Variants in ATP8B4 observed in about 807,000 individuals in gnomAD.
ATP8B4 encodes the protein probable phospholipid-transporting ATPase IM.
Under a neutral mutation model 145.6 loss-of-function variants are expected in ATP8B4, and 133 were observed. The ratio of observed to expected loss-of-function variants is 0.91; its 90% CI spans 0.79 to 1.05. The LOEUF is 1.05. Ranked by LOEUF, ATP8B4 falls within the 50% of genes least tolerant of loss-of-function variation. ATP8B4 has a pLI of 0.00. For missense variants in ATP8B4, 1,458 were observed against 1,425.2 expected (o/e 1.02, Z -0.37); for synonymous variants, 507 against 492.9 (o/e 1.03, Z -0.38).
intron 10 of ATP8B4, chr15:49,982,490 G>T (rs1234165417): frequency 6.6e-6 from 1 of 152,118 alleles, no homozygotes; most frequent in Non-Finnish European, 1.5e-5. Flanking sequence ...TCTGATCTCA[G>T]AAGCTAAGCT....
intron 7 of ATP8B4, among the ~76,000 whole-genome samples, chr15:50,005,004 G>A (rs1453511970): frequency 6.6e-6 from 1 of 152,184 alleles, no homozygotes; most frequent in African/African-American, 2.4e-5. Context: ...AAGGCAGAAT[G>A]ACTAGCAGGA....
chr15:50,084,970 G>A (rs531793514), intron 2 of ATP8B4, among the ~76,000 whole-genome samples: 2 of 152,290 alleles, frequency 1.3e-5, no homozygotes, highest in African/African-American at 4.8e-5. Context: ...GTAAGGTAAT[G>A]TATTCACAGG....
chr15:50,078,709 A>G (rs2054348045), intron 2 of ATP8B4, among the ~76,000 whole-genome samples: 1 of 152,134 alleles, frequency 6.6e-6, no homozygotes. Flanking sequence ...ACAAACCTTC[A>G]TAAAATTTTG....
At chr15:50,108,632 A>G (rs1424639598) in intron 1 of ATP8B4, among the ~76,000 whole-genome samples, 1 of 151,940 alleles carries the variant, frequency 6.6e-6, no homozygotes, top group Non-Finnish European at 1.5e-5. Context: ...CACCCCCTTT[A>G]TCCGACTAGC....
At chr15:49,862,519 C>T (rs549370554) in intron 26 of ATP8B4, 144 bp from the exon 27 acceptor site, 290 of 937,788 alleles carry the variant, frequency 3.1e-4, no homozygotes, top group African/African-American at 2.9e-3. Context: ...TGCAGTGGTG[C>T]GATCTCAGCT....
intron 1 of ATP8B4, among the ~76,000 whole-genome samples, chr15:50,157,068 G>A (rs1362780551): frequency 2.6e-5 from 4 of 152,058 alleles, no homozygotes; most frequent in Admixed American, 6.6e-5. Context: ...CAGATCAAAC[G>A]AAATATTAAA....
intron 1 of ATP8B4, among the ~76,000 whole-genome samples, chr15:50,153,113 G>C (rs933050328): frequency 1.3e-5 from 2 of 152,168 alleles, no homozygotes; most frequent in Admixed American, 6.5e-5. Context: ...GAAAAAGTAA[G>C]AGCATGTGAA....
chr15:50,159,897 T>A (rs770765574), intron 1 of ATP8B4, among the ~76,000 whole-genome samples: 2 of 152,116 alleles, frequency 1.3e-5, no homozygotes, highest in African/African-American at 4.8e-5. Context: ...TGATGATTAC[T>A]GGCCTCCTAG....
At chr15:49,987,641 T>G in intron 9 of ATP8B4, 92 bp from the exon 10 acceptor site, 6 of 1,304,950 alleles carry the variant, frequency 4.6e-6, no homozygotes, top group Non-Finnish European at 5.2e-6. Context: ...TGTTTCCCTC[T>G]CCTTTAGACA....
intron 23 of ATP8B4, among the ~76,000 whole-genome samples, chr15:49,882,939 T>A (rs1397361899): frequency 6.6e-6 from 1 of 152,210 alleles, no homozygotes; most frequent in Non-Finnish European, 1.5e-5. Context: ...ATAAAAAATT[T>A]AAAAATTAAA....
chr15:50,021,198 G>A (rs897874633), intron 6 of ATP8B4, among the ~76,000 whole-genome samples: 2 of 152,234 alleles, frequency 1.3e-5, no homozygotes, highest in Middle Eastern at 3.4e-3. Flanking sequence ...GTCCTTCACT[G>A]CTAACACTCA....
chr15:50,115,827 C>G (rs11853146), intron 1 of ATP8B4, among the ~76,000 whole-genome samples: 115 of 152,258 alleles, frequency 7.6e-4, no homozygotes, highest in South Asian at 3.1e-3. Context: ...ACCGTTATCC[C>G]CATTTTATAG....
At chr15:50,159,396 C>T (rs760231460) in intron 1 of ATP8B4, among the ~76,000 whole-genome samples, 1 of 152,032 alleles carries the variant, frequency 6.6e-6, no homozygotes, top group Non-Finnish European at 1.5e-5. Context: ...GTTTTTTAGC[C>T]GAGTCTTTAG....
chr15:50,085,675 T>C lies in ATP8B4; in HGVS notation c.29-11490A>G, dbSNP rs765602540. Reference sequence around the variant, plus strand: ...CAATCATCAAACGTGTAAAATTATATGTGTAAGATTTAGTATTCAACAACT... The same window carrying C: ...CAATCATCAAACGTGTAAAATTATACGTGTAAGATTTAGTATTCAACAACT... On this transcript the variant is annotated intron_variant, in intron 2 of 27. Coordinates refer to ENST00000284509, the MANE Select transcript of ATP8B4 (RefSeq NM_024837.4). Among the ~76,000 whole-genome samples the C allele has an allele frequency of 2.0e-5, 3 of 151,254 alleles. No homozygotes were observed. The Admixed American group carries it at 2.0e-4, about 10-fold the overall frequency.
chr15:50,044,316 A>G (rs908245608), intron 5 of ATP8B4, among the ~76,000 whole-genome samples: 2 of 152,220 alleles, frequency 1.3e-5, no homozygotes, highest in Non-Finnish European at 2.9e-5. Context: ...CTCTTCCACA[A>G]ATTGGTTGTA....
chr15:50,008,157 T>C (rs1330677446), intron 7 of ATP8B4, among the ~76,000 whole-genome samples: 2 of 152,202 alleles, frequency 1.3e-5, no homozygotes, highest in Non-Finnish European at 2.9e-5. Flanking sequence ...CACAGGGATT[T>C]GCTTCTATAA....
chr15:49,971,565 A>G (rs1369358490), intron 13 of ATP8B4, among the ~76,000 whole-genome samples: 4 of 152,248 alleles, frequency 2.6e-5, no homozygotes, highest in African/African-American at 9.6e-5. Context: ...TCAAAACCAC[A>G]GTGAGACATC....
intron 24 of ATP8B4, chr15:49,876,762 A>G: frequency 1.5e-6 from 1 of 669,112 alleles, no homozygotes. Context: ...GAGAGGTCAC[A>G]CAGCTCGTAA....
intron 1 of ATP8B4, among the ~76,000 whole-genome samples, chr15:50,157,104 T>C (rs1225314142): frequency 1.3e-5 from 2 of 152,080 alleles, no homozygotes; most frequent in African/African-American, 2.4e-5. Flanking sequence ...GAACCACAAG[T>C]AAATTTACCA....
Sources: allele counts gnomAD v4.1 joint callset (sites outside exome capture counted in the v4.1 genomes callset), GRCh38; gene constraint gnomAD v4.1.1; transcripts MANE v1.5; gene names NCBI Gene and HGNC (gene_info 2026-07-23, HGNC 2026-07-21).